The following UGT1A8 variants were observed in gnomAD, a reference collection of about 807,000 sequenced individuals.
UGT1A8 encodes UDP-glucuronosyltransferase 1A8.
UGT1A8 carries 39 observed loss-of-function variants against 45.3 expected under a neutral mutation model. That is an observed-to-expected ratio of 0.86 (90% CI 0.67 to 1.12). The LOEUF (loss-of-function observed/expected upper bound fraction) is 1.12, where lower values mean the gene tolerates loss of function less well. UGT1A8 is among the 50% of genes most tolerant of loss of function. The pLI, the probability that UGT1A8 is intolerant of heterozygous loss-of-function variation, is 0.00. For synonymous variants in UGT1A8, 275 were observed against 249.2 expected (o/e 1.10, Z -0.97); for missense variants, 719 against 664.9 (o/e 1.08, Z -0.90).
At position 233,772,732 on chromosome 2, in the gene UGT1A8, A is replaced by G. The variant is rs1259415832; in HGVS notation, c.*173A>G. On this transcript the variant is annotated 3_prime_UTR_variant, in exon 5 of 5. Transcript: ENST00000373450. ...CTTAAATAAAAATAATAGACTCGCT[A>G]GTCAGTAAAGATATTTGAATATGTA... 4.9e-6 allele frequency: 7 copies of G among 1,442,298 alleles called. No homozygotes were observed. Among genetic ancestry groups the G allele is most frequent in the Non-Finnish European group, 6.4e-6 (7 of 1,099,406 alleles). The allele number at this position is 1,442,298 out of a possible 1,614,324, so 89.3% of individuals were successfully genotyped here.
chr2:233,706,466 C>T (rs1190606986), intron 1 of UGT1A8, among the ~76,000 whole-genome samples: 1 of 152,212 alleles, frequency 6.6e-6, no homozygotes, highest in African/African-American at 2.4e-5. Context: ...GAGGTTTCAC[C>T]ATAGGCTGGG....
chr2:233,731,478 G>T lies in UGT1A8; in HGVS notation c.856-35556G>T, dbSNP rs546247495. 7.2e-5 allele frequency among the ~76,000 whole-genome samples: 11 copies of T among 152,100 alleles called. No individual in the cohort carries two copies. In the East Asian group the frequency reaches 2.1e-3, roughly 29 times the overall value. On this transcript the variant is annotated intron_variant, in intron 1 of 4. Transcript: ENST00000373450. ...AGGCCCTGGCGTGTGATGTTCCCTG[G>T]CCTGTGTCCAGTGTTCTTGCTGTTC... is the stretch of plus-strand genomic sequence containing the variant.
rs767483704 is a variant in UGT1A8, at chr2:233,711,800, C to T, written c.856-55234C>T. On this transcript the variant is annotated intron_variant, in intron 1 of 4. Transcript: ENST00000373450. Reference sequence around the variant, plus strand: ...AAGTGTGCACAGCCCAGAGAGCCTGCCCACATCATCCTGGGGCGACCAGGA... The same window carrying T: ...AAGTGTGCACAGCCCAGAGAGCCTGTCCACATCATCCTGGGGCGACCAGGA... 4.5e-4 allele frequency among the ~76,000 whole-genome samples: 69 copies of T among 152,310 alleles called. 1 individual carries two copies. The highest frequency in any genetic ancestry group is 3.9e-4 in the East Asian group (2 of 5,182).
intron 1 of UGT1A8, chr2:233,691,175 CT>C (rs2075031493): frequency 1.0e-6 from 1 of 985,574 alleles, no homozygotes; most frequent in South Asian, 4.7e-5. Flanking sequence ...TAATGTCTGC[CT>C]GCTCAAGAAG....
chr2:233,672,102 T>G lies in UGT1A8; in HGVS notation c.855+53540T>G, dbSNP rs762092554. The stretch of plus-strand genomic sequence containing the variant: ...TCATTCTCAGGGGGCATGAGGTGGT[T>G]GTAGTCATGCCAGAGGTGAGTTGGC... On this transcript the variant is annotated intron_variant, in intron 1 of 4. Coordinates refer to ENST00000373450, the MANE Select transcript of UGT1A8 (RefSeq NM_019076.5). 16 of 1,614,022 alleles carry G rather than the reference T, an allele frequency of 9.9e-6. No homozygotes were observed. The African/African-American group carries it at 1.1e-4, about 11-fold the overall frequency.
At chr2:233,705,093 GC>G (rs1278333462) in intron 1 of UGT1A8, among the ~76,000 whole-genome samples, 27 of 151,684 alleles carry the variant, frequency 1.8e-4, no homozygotes, top group Non-Finnish European at 3.8e-4. Context: ...CCAAGATCGT[GC>G]CATTGCACGC....
At chr2:233,622,149 G>T (rs185727354) in intron 1 of UGT1A8, among the ~76,000 whole-genome samples, 1 of 152,176 alleles carries the variant, frequency 6.6e-6, no homozygotes, top group Non-Finnish European at 1.5e-5. Context: ...ATTTCGGTTG[G>T]TTCCAAGTCT....
intron 1 of UGT1A8, among the ~76,000 whole-genome samples, chr2:233,661,623 T>TTTTCTTTCCTTCTTTCTTTCTTTC (rs1553602618): frequency 3.2e-5 from 4 of 124,046 alleles, no homozygotes; most frequent in African/African-American, 1.3e-4. Flanking sequence ...ACTTACTGAA[T>TTTTCTTTCCTTCTTTCTTTCTTTC]TTTCTTTCTT....
chr2:233,658,747 A>G (rs1024053547), intron 1 of UGT1A8, among the ~76,000 whole-genome samples: 2 of 152,198 alleles, frequency 1.3e-5, no homozygotes, highest in Non-Finnish European at 2.9e-5. Flanking sequence ...TCTCCACTGA[A>G]TTGTCTTTGC....
At chr2:233,718,110 C>T (rs537602029) in intron 1 of UGT1A8, 2 of 309,390 alleles carry the variant, frequency 6.5e-6, no homozygotes, top group Admixed American at 7.6e-5. Context: ...ACAGCAGCAC[C>T]TCTTATTCCA....
intron 1 of UGT1A8, chr2:233,708,409 T>C (rs1215393625): frequency 6.6e-6 from 1 of 152,208 alleles, no homozygotes; most frequent in East Asian, 1.9e-4. Flanking sequence ...CATCAAGTTG[T>C]TTCACCAGTG....
rs192009384 is a variant in UGT1A8, at chr2:233,645,413, A to T, written c.855+26851A>T. On this transcript the variant is annotated intron_variant, in intron 1 of 4. Transcript: ENST00000373450. The stretch of plus-strand genomic sequence containing the variant: ...AATCATGCCCTCCCAACAGTCCCGC[A>T]AAGTCTCAGCATTAACTCAAAAGTC... 7.7e-4 allele frequency among the ~76,000 whole-genome samples: 117 copies of T among 152,322 alleles called. 1 individual carries two copies. Among genetic ancestry groups the T allele is most frequent in the Non-Finnish European group, 1.2e-3 (79 of 68,014 alleles).
intron 4 of UGT1A8, 91 bp downstream of exon 4, chr2:233,768,530 CGTT>C (rs2126039098): frequency 2.0e-6 from 3 of 1,496,416 alleles, no homozygotes; most frequent in African/African-American, 1.4e-5. Flanking sequence ...CATTTAATAG[CGTT>C]GTTTCAAATA....
At chr2:233,728,328 T>C (rs2077699714) in intron 1 of UGT1A8, among the ~76,000 whole-genome samples, 1 of 152,118 alleles carries the variant, frequency 6.6e-6, no homozygotes, top group Admixed American at 6.5e-5. Flanking sequence ...AGGCTCCAGC[T>C]CCCCCAGTCC....
At chr2:233,728,836 G>C (rs2077754966) in intron 1 of UGT1A8, among the ~76,000 whole-genome samples, 1 of 152,210 alleles carries the variant, frequency 6.6e-6, no homozygotes, top group Non-Finnish European at 1.5e-5. Flanking sequence ...TCACAGCCTT[G>C]TGTTGGGAAT....
At position 233,749,745 on chromosome 2, in the gene UGT1A8, G is replaced by T. The variant is rs1364813109; in HGVS notation, c.856-17289G>T. On this transcript the variant is annotated intron_variant, in intron 1 of 4. Coordinates refer to ENST00000373450, the MANE Select transcript of UGT1A8 (RefSeq NM_019076.5). ...TTTCGCACCTGCTGGTCTCATCATA[G>T]TGAGTGAGTTCTTATGAGATCTGAT... Among the ~76,000 whole-genome samples the T allele has an allele frequency of 4.6e-5, 7 of 151,902 alleles. 2 individuals carry two copies. The highest frequency in any genetic ancestry group is 1.0e-4 in the Non-Finnish European group (7 of 68,034).
chr2:233,750,083 G>A lies in UGT1A8; in HGVS notation c.856-16951G>A, dbSNP rs773064536. ...TGGAACTGGGTAACAGGCAGAGGTT[G>A]GAACAGTTTGGAGAGCTCAGAAGAA... is the stretch of plus-strand genomic sequence containing the variant. On this transcript the variant is annotated intron_variant, in intron 1 of 4. Transcript: ENST00000373450. Among the ~76,000 whole-genome samples the A allele has an allele frequency of 4.8e-4, 73 of 151,992 alleles. 1 individual carries two copies. The highest frequency in any genetic ancestry group is 9.7e-4 in the Non-Finnish European group (66 of 68,038).
chr2:233,729,266 T>A (rs6431625), intron 1 of UGT1A8: 2 of 1,613,820 alleles, frequency 1.2e-6, no homozygotes, highest in East Asian at 4.5e-5. Context: ...ATGCGGGAGG[T>A]CTTGCGGGAG....
At chr2:233,672,886 T>G in intron 1 of UGT1A8, 4 of 1,514,200 alleles carry the variant, frequency 2.6e-6, no homozygotes, top group Non-Finnish European at 3.5e-6. Flanking sequence ...TTCATTTGTT[T>G]CATTTCAAAT....
Sources: allele counts gnomAD v4.1 joint callset (sites outside exome capture counted in the v4.1 genomes callset), GRCh38; gene constraint gnomAD v4.1.1; transcripts MANE v1.5; gene names NCBI Gene and HGNC (gene_info 2026-07-23, HGNC 2026-07-21).